Variants in PFDN1 observed in about 807,000 individuals in gnomAD.
The protein encoded by PFDN1 is prefoldin 1.
Under a neutral mutation model 17.3 loss-of-function variants are expected in PFDN1, and 6 were observed. The ratio of observed to expected loss-of-function variants is 0.35; its 90% CI spans 0.19 to 0.69. The LOEUF is 0.69. Ranked by LOEUF, PFDN1 falls within the 30% of genes least tolerant of loss-of-function variation. The probability of loss-of-function intolerance (pLI) is 0.65; values close to 1 mark genes in which losing one functional copy is unlikely to be tolerated. For missense variants in PFDN1, 113 were observed against 146.2 expected, an observed-to-expected ratio of 0.77 and a Z score of 1.17; for synonymous variants, 58 against 50.1, an observed-to-expected ratio of 1.16 and a Z score of -0.67.
chr5:140,245,525 C>A lies in PFDN1; in HGVS notation c.*449G>T, dbSNP rs1450140814. 2.8e-6 allele frequency: 2 copies of A among 702,618 alleles called. No homozygotes were observed. The highest frequency in any genetic ancestry group is 5.2e-6 in the Non-Finnish European group (2 of 385,006). 43.5% of individuals were successfully genotyped at this position (702,618 alleles called of 1,614,324 possible). A position where few individuals can be genotyped will look rare whatever the true frequency, so the allele number is the denominator to read the frequency against. ...AGAGAAGAGGGCAAGGCCCATCCCC[C>A]AAGAAAGGAAGGGCTCTGATGCAGA... is the stretch of plus-strand genomic sequence containing the variant. On this transcript the variant is annotated 3_prime_UTR_variant, in exon 4 of 4. Coordinates refer to ENST00000261813, the MANE Select transcript of PFDN1 (RefSeq NM_002622.5).
intron 1 of PFDN1, among the ~76,000 whole-genome samples, chr5:140,300,998 T>C (rs1765736222): frequency 6.6e-6 from 1 of 152,246 alleles, no homozygotes; most frequent in Admixed American, 6.5e-5. Context: ...GGAATATTAA[T>C]ATAAGAATAT....
intron 3 of PFDN1, among the ~76,000 whole-genome samples, chr5:140,257,095 C>T (rs1036375085): frequency 3.3e-5 from 5 of 151,984 alleles, no homozygotes; most frequent in Non-Finnish European, 7.4e-5. Context: ...TGGTGGCACA[C>T]GCCTGTAATC....
In PFDN1 at chr5:140,245,639, G is replaced by A. The variant is rs11558407; in HGVS notation, c.*335C>T. ...CAAGAAAACCAGGCTTAGCAGAGTG[G>A]GACAGACGCTTTTTATTGGTCTGGC... On this transcript the variant is annotated 3_prime_UTR_variant, in exon 4 of 4. Transcript: ENST00000261813. The A allele has an allele frequency of 0.09, 61,775 of 687,808 alleles. 3,368 individuals are homozygous for A. Among genetic ancestry groups the A allele is most frequent in the South Asian group, 0.17 (10,864 of 65,802 alleles). The allele number at this position is 687,808 out of a possible 1,614,324, so 42.6% of individuals were successfully genotyped here.
chr5:140,255,775 T>C (rs1368586809), intron 3 of PFDN1, among the ~76,000 whole-genome samples: 1 of 152,154 alleles, frequency 6.6e-6, no homozygotes, highest in African/African-American at 2.4e-5. Flanking sequence ...CTCTGCAAGA[T>C]CCTTCTTGGT....
At chr5:140,255,357 A>G (rs966449729) in intron 3 of PFDN1, among the ~76,000 whole-genome samples, 10 of 152,214 alleles carry the variant, frequency 6.6e-5, no homozygotes, top group Admixed American at 5.2e-4. Context: ...TGGGAGGATC[A>G]CTTGAGGGAA....
At chr5:140,276,751 A>C (rs903013989) in intron 3 of PFDN1, among the ~76,000 whole-genome samples, 1 of 134,766 alleles carries the variant, frequency 7.4e-6, no homozygotes, top group African/African-American at 2.8e-5. Context: ...ACTGCACTCC[A>C]ACCTGGGTGA....
chr5:140,276,347 G>A (rs1581090843), intron 3 of PFDN1, among the ~76,000 whole-genome samples: 1 of 152,158 alleles, frequency 6.6e-6, no homozygotes, highest in African/African-American at 2.4e-5. Context: ...ATCAGAAAAT[G>A]GTTCTCAGGA....
chr5:140,302,312 G>A (rs13185866), intron 1 of PFDN1, among the ~76,000 whole-genome samples: 27,374 of 152,154 alleles, frequency 0.18, 2,767 homozygotes, highest in South Asian at 0.24. Flanking sequence ...GTCATTAGTG[G>A]TGTTAGAATG....
intron 3 of PFDN1, among the ~76,000 whole-genome samples, chr5:140,269,288 T>C (rs563369531): frequency 2.0e-5 from 3 of 151,738 alleles, no homozygotes; most frequent in African/African-American, 2.4e-5. Context: ...GCTGGGATTA[T>C]AGGCATGAGC....
At chr5:140,246,459 C>T (rs1352259429) in intron 3 of PFDN1, among the ~76,000 whole-genome samples, 3 of 152,234 alleles carry the variant, frequency 2.0e-5, no homozygotes, top group African/African-American at 4.8e-5. Context: ...CTGGGCCAGG[C>T]GTCTGTAGCC....
At chr5:140,255,614 G>A (rs1464055013) in intron 3 of PFDN1, among the ~76,000 whole-genome samples, 1 of 152,144 alleles carries the variant, frequency 6.6e-6, no homozygotes, top group Non-Finnish European at 1.5e-5. Flanking sequence ...CTGCACTCAA[G>A]CCTGGGTGAC....
chr5:140,291,387 T>G lies in PFDN1; in HGVS notation c.200+9029A>C, dbSNP rs571052198. Among the ~76,000 whole-genome samples the G allele has an allele frequency of 2.0e-5, 3 of 152,292 alleles. No individual in the cohort carries two copies. The East Asian group carries it at 5.8e-4, about 29-fold the overall frequency. ...TTGAAAGAGAGGGGCCAAGGGTGAC[T>G]CCAAGATTTGGAAGAATTTGAAGTG... is the stretch of plus-strand genomic sequence containing the variant. On this transcript the variant is annotated intron_variant, in intron 2 of 3. Coordinates refer to ENST00000261813, the MANE Select transcript of PFDN1 (RefSeq NM_002622.5).
At chr5:140,294,833 T>C (rs1191472711) in intron 2 of PFDN1, among the ~76,000 whole-genome samples, 1 of 152,040 alleles carries the variant, frequency 6.6e-6, no homozygotes, top group Non-Finnish European at 1.5e-5. Flanking sequence ...CAAGTAGAAA[T>C]AGTAACACCG....
At chr5:140,296,754 CAATT>C (rs1318774254) in intron 2 of PFDN1, among the ~76,000 whole-genome samples, 1 of 152,168 alleles carries the variant, frequency 6.6e-6, no homozygotes, top group African/African-American at 2.4e-5. Context: ...CATCACTAAT[CAATT>C]AAAGCATGTT....
chr5:140,271,581 C>T (rs1489138285), intron 3 of PFDN1, among the ~76,000 whole-genome samples: 3 of 152,128 alleles, frequency 2.0e-5, no homozygotes, highest in Non-Finnish European at 4.4e-5. Context: ...GGAGTGTAAA[C>T]GTTTTATACT....
At chr5:140,299,529 G>A (rs779976764) in intron 2 of PFDN1, among the ~76,000 whole-genome samples, 12 of 151,668 alleles carry the variant, frequency 7.9e-5, no homozygotes, top group East Asian at 1.9e-4. Flanking sequence ...CCCAAGAGGC[G>A]GAGGTTGCAG....
intron 3 of PFDN1, among the ~76,000 whole-genome samples, chr5:140,278,131 C>T (rs948990474): frequency 6.6e-6 from 1 of 151,706 alleles, no homozygotes; most frequent in Non-Finnish European, 1.5e-5. Context: ...TCGCTTGAAC[C>T]CAGAAGGCGG....
chr5:140,247,315 G>T (rs937867446), intron 3 of PFDN1, among the ~76,000 whole-genome samples: 2 of 149,436 alleles, frequency 1.3e-5, no homozygotes, highest in Admixed American at 6.6e-5. Flanking sequence ...TTGTAGAAAT[G>T]AGAAACTTCA....
chr5:140,276,164 G>C (rs1765289784), intron 3 of PFDN1, among the ~76,000 whole-genome samples: 1 of 152,004 alleles, frequency 6.6e-6, no homozygotes, highest in Non-Finnish European at 1.5e-5. Context: ...AAGGACTTGG[G>C]GAAAATCATT....
Sources: allele counts gnomAD v4.1 joint callset (sites outside exome capture counted in the v4.1 genomes callset), GRCh38; gene constraint gnomAD v4.1.1; transcripts MANE v1.5; gene names NCBI Gene and HGNC (gene_info 2026-07-23, HGNC 2026-07-21).